The following NEK1 variants were observed in gnomAD, a reference collection of about 807,000 sequenced individuals.
The protein encoded by NEK1 is NIMA related kinase 1.
NEK1 carries 137 observed loss-of-function variants against 182.1 expected under a neutral mutation model. The observed-to-expected ratio is 0.75, with a 90% CI of 0.65 to 0.87. NEK1 has a LOEUF of 0.87. NEK1 is among the 40% of genes least tolerant of loss of function. The probability of loss-of-function intolerance (pLI) is 0.00; values close to 1 mark genes in which losing one functional copy is unlikely to be tolerated. For missense variants in NEK1, 1,391 were observed against 1,494.4 expected, an observed-to-expected ratio of 0.93 and a Z score of 1.14; for synonymous variants, 513 against 492.2, an observed-to-expected ratio of 1.04 and a Z score of -0.56.
At chr4:169,585,729 C>T (rs142887748) in intron 9 of NEK1, among the ~76,000 whole-genome samples, 180 bp from the exon 10 acceptor site, 76 of 151,926 alleles carry the variant, frequency 5.0e-4, no homozygotes, top group African/African-American at 1.8e-3. Context: ...TAATATCAGC[C>T]CTCAAAAAAT....
chr4:169,491,424 G>A (rs551952872), intron 23 of NEK1, among the ~76,000 whole-genome samples: 1 of 152,254 alleles, frequency 6.6e-6, no homozygotes, highest in East Asian at 1.9e-4. Flanking sequence ...TTTCTCAGCA[G>A]AAATCTTGCA....
At chr4:169,583,987 A>G (rs1767107098) in intron 10 of NEK1, among the ~76,000 whole-genome samples, 1 of 152,184 alleles carries the variant, frequency 6.6e-6, no homozygotes. Flanking sequence ...ATATAAAACT[A>G]ATATAAAAAA....
chr4:169,485,248 A>G (rs1748827650), intron 23 of NEK1, among the ~76,000 whole-genome samples: 1 of 152,216 alleles, frequency 6.6e-6, no homozygotes, highest in African/African-American at 2.4e-5. Context: ...ACAAATTCAG[A>G]CATGGAATCT....
intron 27 of NEK1, among the ~76,000 whole-genome samples, chr4:169,462,307 T>A (rs1227950254): frequency 6.6e-6 from 1 of 152,144 alleles, no homozygotes; most frequent in East Asian, 1.9e-4. Context: ...AATTAGTATT[T>A]GGCATACAAC....
At chr4:169,497,852 G>A (rs945678483) in intron 23 of NEK1, among the ~76,000 whole-genome samples, 1 of 152,160 alleles carries the variant, frequency 6.6e-6, no homozygotes, top group African/African-American at 2.4e-5. Context: ...AAATAGGTGT[G>A]GTGTGGTGCT....
At chr4:169,593,361 T>C (rs1482086504) in intron 5 of NEK1, among the ~76,000 whole-genome samples, 1 of 152,112 alleles carries the variant, frequency 6.6e-6, no homozygotes, top group Non-Finnish European at 1.5e-5. Context: ...GGGGCCAAAT[T>C]TGGTTCATGG....
At chr4:169,552,960 T>C (rs866427152) in intron 18 of NEK1, among the ~76,000 whole-genome samples, 11 of 152,172 alleles carry the variant, frequency 7.2e-5, no homozygotes, top group African/African-American at 1.7e-4. Flanking sequence ...ACATGAAGTA[T>C]TGGAAGATTG....
intron 26 of NEK1, among the ~76,000 whole-genome samples, chr4:169,469,081 AT>A (rs962196143): frequency 1.3e-5 from 2 of 150,912 alleles, no homozygotes; most frequent in African/African-American, 2.4e-5. Context: ...GGATTCACTG[AT>A]TTTTTTTTGA....
At chr4:169,428,282 C>G (rs1470209410) in intron 29 of NEK1, among the ~76,000 whole-genome samples, 1 of 148,262 alleles carries the variant, frequency 6.7e-6, no homozygotes, top group Non-Finnish European at 1.5e-5. Context: ...CTTTGCAGCA[C>G]TCTTCCAATA....
chr4:169,527,090 C>T (rs1349462232), intron 19 of NEK1, among the ~76,000 whole-genome samples: 1 of 152,040 alleles, frequency 6.6e-6, no homozygotes, highest in African/African-American at 2.4e-5. Flanking sequence ...AGATTAACTA[C>T]AAGAGAAAAA....
Position 169,394,382 on chromosome 4 carries a change from TAAG to T in NEK1, c.*125_*127del. 1.7e-6 allele frequency: 1 copy of T among 602,440 alleles called. No individual in the cohort carries two copies. Among genetic ancestry groups the T allele is most frequent in the Non-Finnish European group, 2.9e-6 (1 of 341,650 alleles). The allele number at this position is 602,440 out of a possible 1,614,324, so 37.3% of individuals were successfully genotyped here. ...ATGTTTCTCCATCTTTTTCATGCAA[TAAG>T]AAAGTCCATCTTAAATCTGATTTTT... is the stretch of plus-strand genomic sequence containing the variant. On this transcript the variant is annotated 3_prime_UTR_variant, in exon 36 of 36. Coordinates refer to ENST00000507142, the MANE Select transcript of NEK1 (RefSeq NM_001199397.3).
At chr4:169,400,081 GTTAATT>G in intron 35 of NEK1, 138 bp downstream of exon 35, 1 of 832,946 alleles carries the variant, frequency 1.2e-6, no homozygotes, top group Non-Finnish European at 2.0e-6. Context: ...ACATGACAAA[GTTAATT>G]TTATTATTGC....
rs150543083 is a variant in NEK1, at chr4:169,420,573, A to C, written c.3222+3980T>G. ...TGAGAGGAATTTTTCGGTCTATTAT[A>C]ATCTTATGGGACCACTGCTGTATAT... is the stretch of plus-strand genomic sequence containing the variant. On this transcript the variant is annotated intron_variant, in intron 31 of 35. Coordinates refer to ENST00000507142, the MANE Select transcript of NEK1 (RefSeq NM_001199397.3). Among the ~76,000 whole-genome samples the C allele has an allele frequency of 8.6e-3, 1,313 of 152,272 alleles. 18 individuals are homozygous for C. Among genetic ancestry groups the C allele is most frequent in the African/African-American group, 0.03 (1,227 of 41,522 alleles).
chr4:169,514,001 T>TTTATTTATTTA (rs1754658441), intron 19 of NEK1, among the ~76,000 whole-genome samples: 1 of 86,420 alleles, frequency 1.2e-5, no homozygotes, highest in African/African-American at 8.8e-5. Flanking sequence ...TTATTTATTT[T>TTTATTTATTTA]TTGAGACAGA....
chr4:169,583,266 C>A (rs79451312), intron 10 of NEK1, among the ~76,000 whole-genome samples: 811 of 124,234 alleles, frequency 6.5e-3, no homozygotes, highest in East Asian at 8.7e-3. Flanking sequence ...GACTCCATCT[C>A]AAAAAAAAAA....
chr4:169,424,167 A>G (rs1449761169), intron 31 of NEK1, among the ~76,000 whole-genome samples: 1 of 152,188 alleles, frequency 6.6e-6, no homozygotes, highest in Non-Finnish European at 1.5e-5. Context: ...GTGCATATGA[A>G]TATCTCTTAA....
At chr4:169,530,418 T>C (rs191698453) in intron 19 of NEK1, among the ~76,000 whole-genome samples, 3 of 152,260 alleles carry the variant, frequency 2.0e-5, no homozygotes, top group Admixed American at 2.0e-4. Flanking sequence ...TTCAGTACAG[T>C]ATTCAATAAG....
At chr4:169,592,674 A>AT (rs1490907875) in intron 5 of NEK1, among the ~76,000 whole-genome samples, 1 of 136,332 alleles carries the variant, frequency 7.3e-6, no homozygotes, top group African/African-American at 2.7e-5. Flanking sequence ...TCTCTTCAGT[A>AT]TTTTTTTAAA....
intron 27 of NEK1, among the ~76,000 whole-genome samples, chr4:169,457,681 AAGGAGAGAAAGAAGGGGGGAGGG>A (rs1243983798): frequency 1.5e-5 from 2 of 129,952 alleles, no homozygotes; most frequent in Non-Finnish European, 3.2e-5. Context: ...GGAAGGAAGG[AAGGAGAGAAAGAAGGGGGGAGGG>A]GAGAAGGAGG....
Sources: allele counts gnomAD v4.1 joint callset (sites outside exome capture counted in the v4.1 genomes callset), GRCh38; gene constraint gnomAD v4.1.1; transcripts MANE v1.5; gene names NCBI Gene and HGNC (gene_info 2026-07-23, HGNC 2026-07-21).